ANXA2: variants seen among roughly 807,000 people sequenced by gnomAD.
ANXA2 encodes annexin II.
A neutral mutation model predicts 47.3 loss-of-function variants in ANXA2; 28 were observed. The observed-to-expected ratio is 0.59, with a 90% CI of 0.44 to 0.81. ANXA2 has a LOEUF of 0.81. ANXA2 is among the 40% of genes least tolerant of loss of function. The pLI, the probability that ANXA2 is intolerant of heterozygous loss-of-function variation, is 0.00. For missense variants in ANXA2, 384 were observed against 414.3 expected, an observed-to-expected ratio of 0.93 and a Z score of 0.64; for synonymous variants, 172 against 155.5, an observed-to-expected ratio of 1.11 and a Z score of -0.79.
intron 3 of ANXA2, among the ~76,000 whole-genome samples, chr15:60,373,749 T>A (rs1356705237): frequency 2.0e-5 from 3 of 152,174 alleles, no homozygotes; most frequent in Admixed American, 6.5e-5. Context: ...ATGATAATAC[T>A]TATTTTACCA....
At chr15:60,376,769 C>G (rs1336366507) in intron 3 of ANXA2, among the ~76,000 whole-genome samples, 1 of 152,216 alleles carries the variant, frequency 6.6e-6, no homozygotes, top group Non-Finnish European at 1.5e-5. Context: ...AGGTCTCTGA[C>G]CAGCTCTACC....
At chr15:60,364,598 G>C in intron 3 of ANXA2, 75 bp from the exon 4 acceptor site, 1 of 1,157,008 alleles carries the variant, frequency 8.6e-7, no homozygotes, top group South Asian at 1.5e-5. Flanking sequence ...GTGTCAAGCA[G>C]ACTTTTTCAA....
chr15:60,365,221 A>G (rs1227388549), intron 3 of ANXA2, among the ~76,000 whole-genome samples: 1 of 151,894 alleles, frequency 6.6e-6, no homozygotes, highest in Non-Finnish European at 1.5e-5. Flanking sequence ...TTAAATCTAA[A>G]TTGGGAGTTT....
At chr15:60,364,646 C>T in intron 3 of ANXA2, 123 bp from the exon 4 acceptor site, 2 of 644,602 alleles carry the variant, frequency 3.1e-6, no homozygotes, top group South Asian at 2.3e-5. Flanking sequence ...CTGAAATACC[C>T]AGACACCAAG....
Position 60,349,198 on chromosome 15 carries a change from C to T in ANXA2, c.838-1G>A. On this transcript the variant is annotated splice_acceptor_variant, in intron 11 of 12. Transcript: ENST00000451270. LOFTEE classifies it high-confidence loss of function. Reference sequence around the variant, plus strand: ...GGACCTTATCTCGCGTCCCCTTGCCCTGAAAATCAAGTTGATATTTGTTAC... The same window carrying T: ...GGACCTTATCTCGCGTCCCCTTGCCTTGAAAATCAAGTTGATATTTGTTAC... 1 of 1,613,770 alleles carries T rather than the reference C, an allele frequency of 6.2e-7. No homozygotes were observed. The highest frequency in any genetic ancestry group is 8.5e-7 in the Non-Finnish European group (1 of 1,179,804).
intron 3 of ANXA2, among the ~76,000 whole-genome samples, chr15:60,367,454 T>G (rs1235116282): frequency 1.6e-4 from 5 of 31,208 alleles, no homozygotes; most frequent in East Asian, 2.2e-3. Flanking sequence ...TCAGCCCCCC[T>G]TCCGGCCGGC....
At chr15:60,348,265 G>C (rs1895817618) in intron 12 of ANXA2, among the ~76,000 whole-genome samples, 1 of 150,574 alleles carries the variant, frequency 6.6e-6, no homozygotes, top group South Asian at 2.1e-4. Flanking sequence ...TCTAGAAAGG[G>C]GAATTGCAAG....
chr15:60,366,580 G>T lies in ANXA2; in HGVS notation c.149-2057C>A, dbSNP rs1239597866. On this transcript the variant is annotated intron_variant, in intron 3 of 12. Coordinates refer to ENST00000451270, the MANE Select transcript of ANXA2 (RefSeq NM_004039.3). Reference sequence around the variant, plus strand: ...AAACCCTCTGCCTGGCAACCGCCCCGTCTGAGAAGTGAGGAGCCCCTCCGT... The same window carrying T: ...AAACCCTCTGCCTGGCAACCGCCCCTTCTGAGAAGTGAGGAGCCCCTCCGT... 2.7e-4 allele frequency among the ~76,000 whole-genome samples: 38 copies of T among 138,202 alleles called. No individual in the cohort carries two copies. In the East Asian group the frequency reaches 6.2e-3, roughly 23 times the overall value. 90.7% of individuals were successfully genotyped at this position (138,202 alleles called of 152,430 possible). A position where few individuals can be genotyped will look rare whatever the true frequency, so the allele number is the denominator to read the frequency against.
chr15:60,394,905 A>G (rs1209641653), intron 1 of ANXA2, among the ~76,000 whole-genome samples: 1 of 152,136 alleles, frequency 6.6e-6, no homozygotes, highest in Non-Finnish European at 1.5e-5. Context: ...GGTGGAAAGA[A>G]TTTTTTTGAA....
chr15:60,362,833 G>C (rs2062535492), intron 4 of ANXA2: 4 of 151,992 alleles, frequency 2.6e-5, no homozygotes, highest in South Asian at 2.1e-4. Context: ...TTCCCTCCTA[G>C]AGGGTATGTG....
chr15:60,355,824 A>C (rs768548971), intron 7 of ANXA2, 95 bp downstream of exon 7: 5 of 1,040,936 alleles, frequency 4.8e-6, no homozygotes, highest in Non-Finnish European at 6.1e-6. Context: ...TGATGCAGGC[A>C]CAGGGGATTT....
intron 3 of ANXA2, among the ~76,000 whole-genome samples, chr15:60,376,450 G>C (rs191964460): frequency 1.3e-5 from 2 of 152,140 alleles, no homozygotes; most frequent in South Asian, 4.2e-4. Context: ...ACAAGAGTTA[G>C]GGGAAGGGGT....
chr15:60,357,191 T>C lies in ANXA2; in HGVS notation c.403A>G (p.Arg135Gly), dbSNP rs761265097. The C allele has an allele frequency of 2.5e-6, 4 of 1,614,230 alleles. No homozygotes were observed. The highest frequency in any genetic ancestry group is 3.4e-6 in the Non-Finnish European group (4 of 1,180,036). ...ATTTCCTGCAGCTCCTGGTTGGTTC[T>C]GGAGCAGATGATCTCAATGAGAGAG... ...EDSLIEIICS[R>G]TNQELQEINR... is the part of the protein sequence containing the mutation. Residue 135 changes from arginine to glycine, a missense_variant, in exon 6 of 13, where the codon AGA (arginine) becomes GGA (glycine). Arg to Gly is a moderately radical substitution (Grantham distance 125). Coordinates refer to ENST00000451270, the MANE Select transcript of ANXA2 (RefSeq NM_004039.3).
At position 60,347,237 on chromosome 15, in the gene ANXA2, G is replaced by C. The variant is rs1246852659; in HGVS notation, c.*393C>G. 1 of 238,744 alleles carries C rather than the reference G, an allele frequency of 4.2e-6. No individual in the cohort carries two copies. Among genetic ancestry groups the C allele is most frequent in the Non-Finnish European group, 8.2e-6 (1 of 121,388 alleles). 14.8% of individuals were successfully genotyped at this position (238,744 alleles called of 1,614,324 possible). ...AACCATACTGTACAGCTCAGTCCCA[G>C]AGCTTTCTTCCTACAGGGACAGCCT... On this transcript the variant is annotated 3_prime_UTR_variant, in exon 13 of 13. Transcript: ENST00000451270.
At chr15:60,348,071 A>C (rs1566926937) in intron 12 of ANXA2, among the ~76,000 whole-genome samples, 2 of 152,008 alleles carry the variant, frequency 1.3e-5, no homozygotes, top group Admixed American at 6.6e-5. Context: ...TTCCTAGCTC[A>C]CTCTCCTATT....
chr15:60,381,374 G>A (rs1205665173), intron 3 of ANXA2, among the ~76,000 whole-genome samples: 2 of 152,146 alleles, frequency 1.3e-5, no homozygotes, highest in Admixed American at 1.3e-4. Flanking sequence ...TTATCCAAGG[G>A]GGGAAAAGTG....
Position 60,386,016 on chromosome 15 carries a change from T to G in ANXA2, c.48+12A>C, listed in dbSNP as rs1243951897. The G allele has an allele frequency of 6.2e-7, 1 of 1,600,390 alleles. No individual in the cohort carries two copies. The highest frequency in any genetic ancestry group is 8.5e-7 in the Non-Finnish European group (1 of 1,170,550). ...TTGCAAAAATTATATAAAGTGAAAG[T>G]GATATACTTACATCACCCTCCAAGC... On this transcript the variant is annotated intron_variant, in intron 2 of 12. Coordinates refer to ENST00000451270, the MANE Select transcript of ANXA2 (RefSeq NM_004039.3).
chr15:60,347,479 T>C lies in ANXA2; in HGVS notation c.*151A>G, dbSNP rs535453430. 19 of 681,454 alleles carry C rather than the reference T, an allele frequency of 2.8e-5. No homozygotes were observed. Among genetic ancestry groups the C allele is most frequent in the Non-Finnish European group, 4.6e-5 (18 of 394,552 alleles). The allele number at this position is 681,454 out of a possible 1,614,324, so 42.2% of individuals were successfully genotyped here. A position where few individuals can be genotyped will look rare whatever the true frequency, so the allele number is the denominator to read the frequency against. ...GAGACTAGACAGGAAGGCCAGGCAA[T>C]GCTTAGGCAACTAAAATGAGGTTGG... On this transcript the variant is annotated 3_prime_UTR_variant, in exon 13 of 13. Coordinates refer to ENST00000451270, the MANE Select transcript of ANXA2 (RefSeq NM_004039.3).
chr15:60,371,941 G>A (rs1316134263), intron 3 of ANXA2, among the ~76,000 whole-genome samples: 1 of 152,138 alleles, frequency 6.6e-6, no homozygotes, highest in Non-Finnish European at 1.5e-5. Flanking sequence ...CACGAGGTCA[G>A]GAGTTTGAGA....
Sources: allele counts gnomAD v4.1 joint callset (sites outside exome capture counted in the v4.1 genomes callset), GRCh38; gene constraint gnomAD v4.1.1; transcripts MANE v1.5; gene names NCBI Gene and HGNC (gene_info 2026-07-23, HGNC 2026-07-21).